GPRIN1: variants seen among roughly 807,000 people sequenced by gnomAD.
GPRIN1 encodes the protein G protein-regulated inducer of neurite outgrowth 1.
GPRIN1 carries 4 observed loss-of-function variants against 2.8 expected under a neutral mutation model. That is an observed-to-expected ratio of 1.45 (90% CI 0.71 to 3.32). The LOEUF is 3.32. Among genes scored for constraint, GPRIN1 ranks in the 30% most tolerant of loss-of-function variants. GPRIN1 has a pLI of 0.01. For synonymous variants in GPRIN1, 589 were observed against 589.9 expected (o/e 1.00, Z 0.02); for missense variants, 1,322 against 1,343.4 (o/e 0.98, Z 0.25).
At position 176,598,345 on chromosome 5, in the gene GPRIN1, G is replaced by T; in HGVS notation, c.1490C>A (p.Pro497His). 1 of 1,613,784 alleles carries T rather than the reference G, an allele frequency of 6.2e-7. No homozygotes were observed. Among genetic ancestry groups the T allele is most frequent in the Non-Finnish European group, 8.5e-7 (1 of 1,179,758 alleles). ...GGGACCTGCTGTCCCCAAGGACCTG[G>T]GATCGCCTGGACCTGAAGACACAGG... Reference protein sequence around the residue: ...TNPVSSGPGDPRSLGTAGPPS... With the variant: ...TNPVSSGPGDHRSLGTAGPPS... Residue 497 changes from proline (P) to histidine (H), a missense_variant, in exon 2 of 2, where the codon CCC becomes CAC. Pro to His is a moderately conservative substitution (Grantham distance 77, BLOSUM62 -2). Around this residue, in one of 3 missense-constraint regions of GPRIN1, gnomAD observed 1,117 missense variants for 1,128.6 expected, o/e 0.99. Transcript: ENST00000303991.
chr5:176,606,322 G>A (rs1179229911), intron 1 of GPRIN1, among the ~76,000 whole-genome samples: 1 of 152,188 alleles, frequency 6.6e-6, no homozygotes, highest in African/African-American at 2.4e-5. Context: ...AGGGGGCAGG[G>A]GAGGAAAGGG....
chr5:176,601,656 C>T (rs765433342), intron 1 of GPRIN1, among the ~76,000 whole-genome samples: 6 of 152,186 alleles, frequency 3.9e-5, no homozygotes, highest in East Asian at 1.9e-4. Context: ...CAAGCAACCC[C>T]GTTCCGTTAC....
rs555447046 is a variant in GPRIN1, at chr5:176,597,240, G to C, written c.2595C>G (p.Ala865=). The change falls in exon 2 of 2, where the codon GCC becomes GCG. Residue 865 remains alanine (A), a synonymous_variant. Transcript: ENST00000303991. This position sits in a 1 kb window ranked among gnomAD's most constrained non-coding sequence, Gnocchi z 6.1. ...RDAGLQVSLG[A]AETRSVATGP... ...CAGTGGCCACGGAGCGCGTCTCGGC[G>C]GCGCCCAGCGACACCTGCAGGCCCG... is the stretch of plus-strand genomic sequence containing the variant. The C allele has an allele frequency of 8.0e-7, 1 of 1,254,698 alleles. No homozygotes were observed. Among genetic ancestry groups the C allele is most frequent in the Admixed American group, 4.3e-5 (1 of 23,524 alleles). 77.7% of individuals were successfully genotyped at this position (1,254,698 alleles called of 1,614,324 possible).
rs1216273807 is a variant in GPRIN1, at chr5:176,597,977, T to C, written c.1858A>G (p.Thr620Ala). The C allele has an allele frequency of 6.2e-7, 1 of 1,613,998 alleles. No individual in the cohort carries two copies. Among genetic ancestry groups the C allele is most frequent in the South Asian group, 1.1e-5 (1 of 91,070 alleles). The change falls in exon 2 of 2, where the codon ACA becomes GCA. Residue 620 changes from threonine (T) to alanine (A), a missense_variant. Coordinates refer to ENST00000303991, the MANE Select transcript of GPRIN1 (RefSeq NM_052899.3). The surrounding 1 kb of genome is among the most constrained non-coding windows in gnomAD (Gnocchi z 6.1). ...CCCGAGGCCCTGGGATCCGCCTTTG[T>C]GGTGGTAACAGGACTCCCCTTCTCT... is the stretch of plus-strand genomic sequence containing the variant. ...PLEKGSPVTT[T>A]KADPRASGKA...
In GPRIN1 at chr5:176,597,545, C is replaced by A. The variant is rs769955682; in HGVS notation, c.2290G>T (p.Gly764Cys). The A allele has an allele frequency of 2.6e-6, 4 of 1,544,562 alleles. No homozygotes were observed. Among genetic ancestry groups the A allele is most frequent in the Non-Finnish European group, 2.6e-6 (3 of 1,149,108 alleles). Residue 764 changes from glycine to cysteine, a missense_variant, in exon 2 of 2, where the codon GGC (glycine) becomes TGC (cysteine). Physicochemically the swap from Gly to Cys is radical, Grantham distance 159. Coordinates refer to ENST00000303991, the MANE Select transcript of GPRIN1 (RefSeq NM_052899.3). The surrounding 1 kb of genome is among the most constrained non-coding windows in gnomAD (Gnocchi z 6.1). The stretch of plus-strand genomic sequence containing the variant: ...CCAGCGGCTTCCAGGTCTTTCTGGC[C>A]GAGACTGGAGGCCTCGGTGCTGGAC... ...PVSSTEASSL[G>C]QKDLEAAGAE... is the part of the protein sequence containing the mutation.
rs1759045045 is a variant in GPRIN1 at position 176,596,910 on chromosome 5, G to C, written c.2925C>G (p.Pro975=). The change falls in exon 2 of 2, where the codon CCC becomes CCG. Residue 975 remains proline (P), a synonymous_variant. Coordinates refer to ENST00000303991, the MANE Select transcript of GPRIN1 (RefSeq NM_052899.3). The surrounding 1 kb of genome is among the most constrained non-coding windows in gnomAD (Gnocchi z 5.2). Reference sequence around the variant, plus strand: ...GCGGACGCTTGGCGGCGCCATCTGGGGGCGCGGTGCGCACCGAGCCCGAAC... The same window carrying C: ...GCGGACGCTTGGCGGCGCCATCTGGCGGCGCGGTGCGCACCGAGCCCGAAC... ...PGRSGSVRTA[P]PDGAAKRPPG... 8.9e-6 allele frequency: 11 copies of C among 1,229,564 alleles called. No homozygotes were observed. The highest frequency in any genetic ancestry group is 1.1e-5 in the Non-Finnish European group (11 of 985,214). 76.2% of individuals were successfully genotyped at this position (1,229,564 alleles called of 1,614,324 possible). A position where few individuals can be genotyped will look rare whatever the true frequency, so the allele number is the denominator to read the frequency against.
At chr5:176,607,903 CTTTTTTTTTTTTTTTTTTT>C (rs35368228) in intron 1 of GPRIN1, among the ~76,000 whole-genome samples, 87 of 67,376 alleles carry the variant, frequency 1.3e-3, no homozygotes, top group African/African-American at 2.5e-3. Flanking sequence ...ACACTTGGCT[CTTTTTTTTTTTTTTTTTTT>C]TTTTTTTTTT....
At chr5:176,600,313 G>A (rs918259289) in intron 1 of GPRIN1, among the ~76,000 whole-genome samples, 3 of 152,078 alleles carry the variant, frequency 2.0e-5, no homozygotes, top group Admixed American at 6.5e-5. Flanking sequence ...TTGTTGGTCA[G>A]GCTGGTTTCG....
rs1162736339 is a variant in GPRIN1, at chr5:176,597,865, A to G, written c.1970T>C (p.Val657Ala). 6.2e-7 allele frequency: 1 copy of G among 1,613,274 alleles called. No homozygotes were observed. The change falls in exon 2 of 2, where the codon GTG becomes GCG. Residue 657 changes from valine to alanine, a missense_variant. Around this residue, in one of 3 missense-constraint regions of GPRIN1, gnomAD observed 1,117 missense variants for 1,128.6 expected, o/e 0.99. Transcript: ENST00000303991. The surrounding 1 kb of genome is among the most constrained non-coding windows in gnomAD (Gnocchi z 6.1). The stretch of plus-strand genomic sequence containing the variant: ...CTGTGGTGTCTCCTTTTTCAAACAC[A>G]CAGCCCCTGCTTCCCCTGGTGCTGC... ...GAAAPGEAGA[V>A]CLKKETPQAS...
In GPRIN1 at chr5:176,598,616, T is replaced by C. The variant is rs575405007; in HGVS notation, c.1219A>G (p.Asn407Asp). 1.2e-6 allele frequency: 2 copies of C among 1,614,122 alleles called. No individual in the cohort carries two copies. Among genetic ancestry groups the C allele is most frequent in the South Asian group, 1.1e-5 (1 of 91,084 alleles). The change falls in exon 2 of 2, where the codon AAT becomes GAT. Residue 407 changes from asparagine (N) to aspartate (D), a missense_variant. Asn to Asp is a conservative substitution (Grantham distance 23). Coordinates refer to ENST00000303991, the MANE Select transcript of GPRIN1 (RefSeq NM_052899.3). ...TTGCCTGAAGACATGGGATCCACATTTTTCAAAGATGTGAGATCTGTCTTT... is the reference window on the plus strand; with the variant it reads ...TTGCCTGAAGACATGGGATCCACATCTTTCAAAGATGTGAGATCTGTCTTT... The part of the protein sequence containing the change: ...SAKTDLTSLK[N>D]VDPMSSGKVD...
In GPRIN1 at chr5:176,597,673, G is replaced by T. The variant is rs1263913894; in HGVS notation, c.2162C>A (p.Ser721Tyr). Residue 721 changes from serine (S) to tyrosine (Y), a missense_variant, in exon 2 of 2, where the codon TCC (serine) becomes TAC (tyrosine). Coordinates refer to ENST00000303991, the MANE Select transcript of GPRIN1 (RefSeq NM_052899.3). This position sits in a 1 kb window ranked among gnomAD's most constrained non-coding sequence, Gnocchi z 6.1. ...VPLSLEKTKP[S>Y]SSSRQLDRKA... ...GCGGTCTAACTGCCTGGAGGAGGAG[G>T]ACGGCTTGGTCTTCTCCAGACTCAG... 2 of 1,594,598 alleles carry T rather than the reference G, an allele frequency of 1.3e-6. No homozygotes were observed. Among genetic ancestry groups the T allele is most frequent in the South Asian group, 2.2e-5 (2 of 89,708 alleles).
intron 1 of GPRIN1, among the ~76,000 whole-genome samples, chr5:176,604,233 A>G (rs1224096504): frequency 2.6e-5 from 4 of 152,208 alleles, no homozygotes; most frequent in Non-Finnish European, 5.9e-5. Context: ...ACATGTGGTC[A>G]AGAAAGGCCC....
In GPRIN1 at chr5:176,595,878, G is replaced by A; in HGVS notation, c.*930C>T. 1 of 468,550 alleles carries A rather than the reference G, an allele frequency of 2.1e-6. No homozygotes were observed. The highest frequency in any genetic ancestry group is 4.5e-5 in the South Asian group (1 of 22,208). 29.0% of individuals were successfully genotyped at this position (468,550 alleles called of 1,614,324 possible). On this transcript the variant is annotated 3_prime_UTR_variant, in exon 2 of 2. Coordinates refer to ENST00000303991, the MANE Select transcript of GPRIN1 (RefSeq NM_052899.3). ...ACTGCGGCTGGAGGGGTGGGGACGG[G>A]ACACTGAGTGGTCACAAGGGACTTG... is the stretch of plus-strand genomic sequence containing the variant.
At position 176,595,943 on chromosome 5, in the gene GPRIN1, G is replaced by T. The variant is rs1208627784; in HGVS notation, c.*865C>A. 3 of 337,000 alleles carry T rather than the reference G, an allele frequency of 8.9e-6. No homozygotes were observed. Among genetic ancestry groups the T allele is most frequent in the African/African-American group, 6.4e-5 (3 of 47,180 alleles). The allele number at this position is 337,000 out of a possible 1,614,324, so 20.9% of individuals were successfully genotyped here. ...GGGGGACAAGGGGCTGGAGAGGGTG[G>T]CCTTTAAAAGACAACTGTGGTTATA... is the stretch of plus-strand genomic sequence containing the variant. On this transcript the variant is annotated 3_prime_UTR_variant, in exon 2 of 2. Coordinates refer to ENST00000303991, the MANE Select transcript of GPRIN1 (RefSeq NM_052899.3).
chr5:176,608,366 C>T (rs1015339559), intron 1 of GPRIN1, among the ~76,000 whole-genome samples: 1 of 152,298 alleles, frequency 6.6e-6, no homozygotes, highest in East Asian at 1.9e-4. Flanking sequence ...AACGCACACA[C>T]CCTATGAGCA....
At position 176,602,894 on chromosome 5, in the gene GPRIN1, G is replaced by A. The variant is rs995489277; in HGVS notation, c.-43-3017C>T. On this transcript the variant is annotated intron_variant, in intron 1 of 1. Transcript: ENST00000303991. The surrounding 1 kb of genome is among the most constrained non-coding windows in gnomAD (Gnocchi z 4.4). The stretch of plus-strand genomic sequence containing the variant: ...CAGCATCGCTACTGGGATCCCACGC[G>A]TGTAGCCAAGGAAAAGGACACACAT... Among the ~76,000 whole-genome samples, 3 of 152,168 alleles carry A rather than the reference G, an allele frequency of 2.0e-5. No individual in the cohort carries two copies. The highest frequency in any genetic ancestry group is 2.9e-5 in the Non-Finnish European group (2 of 68,028).
intron 1 of GPRIN1, among the ~76,000 whole-genome samples, chr5:176,600,289 G>A (rs1423471689): frequency 1.3e-5 from 2 of 152,174 alleles, no homozygotes; most frequent in South Asian, 2.1e-4. Flanking sequence ...ACCACGCCCA[G>A]CTAATTTTGT....
Position 176,598,022 on chromosome 5 carries a change from T to C in GPRIN1, c.1813A>G (p.Lys605Glu). 6.2e-7 allele frequency: 1 copy of C among 1,614,130 alleles called. No homozygotes were observed. The highest frequency in any genetic ancestry group is 8.5e-7 in the Non-Finnish European group (1 of 1,180,012). Residue 605 changes from lysine (K) to glutamate (E), a missense_variant, in exon 2 of 2, where the codon AAA becomes GAA. Physicochemically the swap from Lys to Glu is moderately conservative, Grantham distance 56. Coordinates refer to ENST00000303991, the MANE Select transcript of GPRIN1 (RefSeq NM_052899.3). ...TTCTCTAGAGGCAGAGAACCCACTTTTCCCTCTGGGATAGCTTCTGCTTTT... is the reference window on the plus strand; with the variant it reads ...TTCTCTAGAGGCAGAGAACCCACTTCTCCCTCTGGGATAGCTTCTGCTTTT... ...LGKAEAIPEG[K>E]VGSLPLEKGS...
intron 1 of GPRIN1, among the ~76,000 whole-genome samples, chr5:176,601,678 C>T (rs1759149978): frequency 6.6e-6 from 1 of 152,104 alleles, no homozygotes; most frequent in South Asian, 2.1e-4. Context: ...CACTCAGTAG[C>T]CAAAGCAAAT....
Sources: allele counts gnomAD v4.1 joint callset (sites outside exome capture counted in the v4.1 genomes callset), GRCh38; gene constraint gnomAD v4.1.1; regional missense constraint gnomAD v4.1.1; non-coding constraint Gnocchi (gnomAD v3.1); transcripts MANE v1.5; gene names NCBI Gene and HGNC (gene_info 2026-07-23, HGNC 2026-07-21).